The following AOPEP variants were observed in gnomAD, a reference collection of about 807,000 sequenced individuals.
AOPEP encodes aminopeptidase O (putative).
In AOPEP, 77 loss-of-function variants were observed where a neutral mutation model predicts 98.1. The observed-to-expected ratio is 0.78, with a 90% CI of 0.65 to 0.95. AOPEP has a LOEUF of 0.95. Among genes scored for constraint, AOPEP ranks in the 40% least tolerant of loss-of-function variants. The pLI is 0.00. For missense variants in AOPEP, 1,024 were observed against 1,024.7 expected, an observed-to-expected ratio of 1.00 and a Z score of 0.01; for synonymous variants, 346 against 365.3, an observed-to-expected ratio of 0.95 and a Z score of 0.60.
chr9:95,089,150 G>C (rs2070831604), downstream of AOPEP, among the ~76,000 whole-genome samples: 1 of 152,198 alleles, frequency 6.6e-6, no homozygotes, highest in Admixed American at 6.5e-5. Flanking sequence ...TCTCCTAAGA[G>C]ACTTGAGAGA....
Position 94,851,842 on chromosome 9 carries a change from A to G in AOPEP, c.1364+50840A>G, listed in dbSNP as rs1183780705. On this transcript the variant is annotated intron_variant, in intron 5 of 16. Transcript: ENST00000375315. ...CTTTTTAACCCCTCTCATGATTCCC[A>G]TCCCTGGAGGTGGTGGTTTATTTGG... is the stretch of plus-strand genomic sequence containing the variant. Among the ~76,000 whole-genome samples the G allele has an allele frequency of 4.0e-5, 6 of 150,466 alleles. No individual in the cohort carries two copies. The South Asian group carries it at 6.4e-4, about 16-fold the overall frequency.
chr9:94,962,207 A>G (rs985999086), intron 9 of AOPEP, among the ~76,000 whole-genome samples: 6 of 152,298 alleles, frequency 3.9e-5, no homozygotes, highest in African/African-American at 1.4e-4. Context: ...TGTTCCTCCA[A>G]TTTAGGTGAC....
chr9:95,148,276 G>A, the AOPEP span, among the ~76,000 whole-genome samples: 3 of 152,112 alleles, frequency 2.0e-5, no homozygotes, highest in East Asian at 1.9e-4. Flanking sequence ...AAAAAAAGAC[G>A]GTTGCCTGGA....
At chr9:95,111,128 C>G in the AOPEP span, 1 of 1,533,346 alleles carries the variant, frequency 6.5e-7, no homozygotes, top group Admixed American at 2.0e-5. Context: ...TCAGAACAGC[C>G]CGCCTCTGCA....
At chr9:94,848,085 A>AT in intron 5 of AOPEP, among the ~76,000 whole-genome samples, 1 of 152,262 alleles carries the variant, frequency 6.6e-6, no homozygotes, top group Middle Eastern at 3.4e-3. Context: ...GCAGTTACTT[A>AT]TTAGATTCTC....
the AOPEP span, chr9:95,101,091 A>AT: frequency 4.2e-6 from 1 of 236,512 alleles, no homozygotes; most frequent in South Asian, 1.7e-4. Flanking sequence ...AGTTAGCATC[A>AT]TTTAGCAAAT....
chr9:95,137,362 C>A, the AOPEP span, among the ~76,000 whole-genome samples: 1 of 152,056 alleles, frequency 6.6e-6, no homozygotes, highest in African/African-American at 2.4e-5. Flanking sequence ...GAGGAGCTGG[C>A]AGAAGGCAGG....
At chr9:94,830,204 G>A (rs73536042) in intron 5 of AOPEP, among the ~76,000 whole-genome samples, 1,695 of 152,114 alleles carry the variant, frequency 0.011, 29 homozygotes, top group African/African-American at 0.038. Context: ...CCTGCTCCCC[G>A]TGACAGACTC....
chr9:94,983,214 G>A (rs1358504900), intron 11 of AOPEP, among the ~76,000 whole-genome samples: 2 of 152,012 alleles, frequency 1.3e-5, no homozygotes, highest in African/African-American at 2.4e-5. Flanking sequence ...TAGTAGAGAC[G>A]GGGTTTCACC....
chr9:94,790,648 C>T (rs1286939487), intron 3 of AOPEP, among the ~76,000 whole-genome samples: 1 of 152,026 alleles, frequency 6.6e-6, no homozygotes, highest in Admixed American at 6.6e-5. Flanking sequence ...TTGAATCTCA[C>T]CGAAATATTA....
chr9:94,923,998 G>A lies in AOPEP; in HGVS notation c.1377G>A (p.Met459Ile). Residue 459 changes from methionine to isoleucine, a missense_variant, in exon 6 of 17, where the codon ATG (methionine) becomes ATA (isoleucine). Met to Ile is a conservative substitution (Grantham distance 10). Transcript: ENST00000375315. ...CCATTATCCACAGCCCACACATCAT[G>A]TTCCTCTCTCAGAGCATCTTGACAG... ...PSLGMASPHI[M>I]FLSQSILTGG... 6.8e-7 allele frequency: 1 copy of A among 1,461,590 alleles called. No individual in the cohort carries two copies. Among genetic ancestry groups the A allele is most frequent in the Non-Finnish European group, 9.1e-7 (1 of 1,100,054 alleles). The allele number at this position is 1,461,590 out of a possible 1,614,324, so 90.5% of individuals were successfully genotyped here.
At chr9:94,824,289 A>G (rs1306524083) in intron 5 of AOPEP, 1 of 152,220 alleles carries the variant, frequency 6.6e-6, no homozygotes, top group Non-Finnish European at 1.5e-5. Context: ...TTCTTCTGTA[A>G]CATCATGGCC....
At chr9:94,934,315 CTT>C (rs974551445) in intron 7 of AOPEP, among the ~76,000 whole-genome samples, 11 of 116,712 alleles carry the variant, frequency 9.4e-5, no homozygotes, top group Non-Finnish European at 1.3e-4. Flanking sequence ...CTTCTCCCAT[CTT>C]TTTTTTTTTT....
At chr9:95,071,948 TA>T (rs1442218036) in intron 14 of AOPEP, among the ~76,000 whole-genome samples, 2 of 152,188 alleles carry the variant, frequency 1.3e-5, no homozygotes, top group Non-Finnish European at 2.9e-5. Flanking sequence ...GGACTAGCAT[TA>T]AGGAGCACCT....
chr9:94,747,646 G>A (rs1333648461), intron 1 of AOPEP, among the ~76,000 whole-genome samples: 5 of 152,202 alleles, frequency 3.3e-5, no homozygotes, highest in Admixed American at 6.5e-5. Context: ...GATAATGGTG[G>A]TCATTAGATT....
Position 95,081,735 on chromosome 9 carries a change from G to A in AOPEP, c.2320-840G>A, listed in dbSNP as rs866844880. ...ACCAGAATTCACTGCAGTATATTTA[G>A]AATTGTGATCTTTGACAAATAAGGA... On this transcript the variant is annotated intron_variant, in intron 15 of 16. Transcript: ENST00000375315. Among the ~76,000 whole-genome samples the A allele has an allele frequency of 3.9e-5, 6 of 152,322 alleles. No individual in the cohort carries two copies. The South Asian group carries it at 1.2e-3, about 32-fold the overall frequency.
At chr9:94,763,722 C>T (rs763497456) in intron 2 of AOPEP, among the ~76,000 whole-genome samples, 48 of 152,278 alleles carry the variant, frequency 3.2e-4, no homozygotes, top group Non-Finnish European at 6.5e-4. Context: ...AACAACAACC[C>T]ACAGCGATGG....
Position 94,859,419 on chromosome 9 carries a change from A to C in AOPEP, c.1364+58417A>C, listed in dbSNP as rs10993375. On this transcript the variant is annotated intron_variant, in intron 5 of 16. Coordinates refer to ENST00000375315, the MANE Select transcript of AOPEP (RefSeq NM_001193329.3). The stretch of plus-strand genomic sequence containing the variant: ...AAATCTCCCTTTGCCTGCCTCTTAC[A>C]AGGACATGTGTGATTGCATTTAGGG... 3.2e-3 allele frequency among the ~76,000 whole-genome samples: 492 copies of C among 152,340 alleles called. 2 individuals carry two copies. The highest frequency in any genetic ancestry group is 5.3e-3 in the Non-Finnish European group (364 of 68,038).
intron 1 of AOPEP, among the ~76,000 whole-genome samples, chr9:94,732,763 A>G (rs1279833968): frequency 6.6e-6 from 1 of 152,258 alleles, no homozygotes; most frequent in Non-Finnish European, 1.5e-5. Context: ...AATACAGAAT[A>G]TAAACTCAAG....
Sources: allele counts gnomAD v4.1 joint callset (sites outside exome capture counted in the v4.1 genomes callset), GRCh38; gene constraint gnomAD v4.1.1; transcripts MANE v1.5; gene names NCBI Gene and HGNC (gene_info 2026-07-23, HGNC 2026-07-21).